SRSF3: variants seen among roughly 807,000 people sequenced by gnomAD.
The protein encoded by SRSF3 is serine and arginine rich splicing factor 3.
For missense variants in SRSF3, 58 were observed against 217.1 expected, an observed-to-expected ratio of 0.27 and a Z score of 4.61; for synonymous variants, 87 against 73.6, an observed-to-expected ratio of 1.18 and a Z score of -0.93.
intron 4 of SRSF3, 85 bp downstream of exon 4, chr6:36,601,275 G>T: frequency 7.2e-7 from 1 of 1,397,350 alleles, no homozygotes; most frequent in South Asian, 1.2e-5. Context: ...CTTAGTTAAT[G>T]GGAATAAACC....
chr6:36,596,663 A>C, intron 1 of SRSF3, 98 bp from the exon 2 acceptor site: 1 of 1,114,946 alleles, frequency 9.0e-7, no homozygotes, highest in Non-Finnish European at 1.3e-6. Flanking sequence ...TGCTACCTTA[A>C]ACTCTCTTGT....
At chr6:36,597,165 T>G (rs1280180062) in intron 2 of SRSF3, 197 bp downstream of exon 2, 27 of 587,964 alleles carry the variant, frequency 4.6e-5, no homozygotes, top group Non-Finnish European at 7.3e-5. Context: ...AGTGCAGTGG[T>G]ACAGTCTCCC....
In SRSF3 at chr6:36,602,299, A is replaced by G. The variant is rs565490231; in HGVS notation, c.*310A>G. ...TAAACCTCTAAACCTGCCCAGCGGA[A>G]GTGTGTTTTTTTTTAAATTTAAATA... On this transcript the variant is annotated 3_prime_UTR_variant, in exon 6 of 6. Coordinates refer to ENST00000373715, the MANE Select transcript of SRSF3 (RefSeq NM_003017.5). 2.1e-4 allele frequency: 75 copies of G among 350,186 alleles called. No homozygotes were observed. Among genetic ancestry groups the G allele is most frequent in the African/African-American group, 1.4e-3 (66 of 47,708 alleles). The allele number at this position is 350,186 out of a possible 1,614,324, so 21.7% of individuals were successfully genotyped here.
chr6:36,596,669 C>A (rs567937819), intron 1 of SRSF3, 92 bp from the exon 2 acceptor site: 1 of 1,173,054 alleles, frequency 8.5e-7, no homozygotes, highest in South Asian at 1.3e-5. Flanking sequence ...CTTAAACTCT[C>A]TTGTCCTCTC....
At chr6:36,598,361 A>G (rs1033877440) in intron 2 of SRSF3, 1 of 152,264 alleles carries the variant, frequency 6.6e-6, no homozygotes, top group African/African-American at 2.4e-5. Context: ...ATTAATTGAA[A>G]TTTTAATTTG....
In SRSF3 at chr6:36,603,293, G is replaced by A. The variant is rs535197664; in HGVS notation, c.*1304G>A. On this transcript the variant is annotated 3_prime_UTR_variant, in exon 6 of 6. Transcript: ENST00000373715. ...TGGGAATTCTAAGCTGATCCATCATGATGTAAAAGTTCACAATATGGTTCA... is the reference window on the plus strand; with the variant it reads ...TGGGAATTCTAAGCTGATCCATCATAATGTAAAAGTTCACAATATGGTTCA... 4 of 225,088 alleles carry A rather than the reference G, an allele frequency of 1.8e-5. No individual in the cohort carries two copies. The South Asian group carries it at 7.4e-4, about 41-fold the overall frequency. 13.9% of individuals were successfully genotyped at this position (225,088 alleles called of 1,614,324 possible).
chr6:36,598,901 A>G lies in SRSF3; in HGVS notation c.259A>G (p.Ser87Gly). Residue 87 changes from serine to glycine, a missense_variant, in exon 3 of 6, where the codon AGT becomes GGT. Ser to Gly is a moderately conservative substitution (Grantham distance 56). Coordinates refer to ENST00000373715, the MANE Select transcript of SRSF3 (RefSeq NM_003017.5). Reference sequence around the variant, plus strand: ...GGAACTGTCGAATGGTGAAAAAAGAAGTAGAAATCGTGGCCCACCTCCCTC... The same window carrying G: ...GGAACTGTCGAATGGTGAAAAAAGAGGTAGAAATCGTGGCCCACCTCCCTC... The part of the protein sequence containing the change: ...RVELSNGEKR[S>G]RNRGPPPSWG... 3 of 1,614,038 alleles carry G rather than the reference A, an allele frequency of 1.9e-6. No individual in the cohort carries two copies. The highest frequency in any genetic ancestry group is 2.5e-6 in the Non-Finnish European group (3 of 1,179,990).
At position 36,603,437 on chromosome 6, in the gene SRSF3, G is replaced by A. The variant is rs1778752838; in HGVS notation, c.*1448G>A. Reference sequence around the variant, plus strand: ...TTAAATCATAATGCAACAGTCTTGTGGCTTAGTTTCCTTAAATATGCTCTT... The same window carrying A: ...TTAAATCATAATGCAACAGTCTTGTAGCTTAGTTTCCTTAAATATGCTCTT... On this transcript the variant is annotated 3_prime_UTR_variant, in exon 6 of 6. Coordinates refer to ENST00000373715, the MANE Select transcript of SRSF3 (RefSeq NM_003017.5). 1 of 223,814 alleles carries A rather than the reference G, an allele frequency of 4.5e-6. No homozygotes were observed. The highest frequency in any genetic ancestry group is 5.7e-5 in the Admixed American group (1 of 17,442). The allele number at this position is 223,814 out of a possible 1,614,324, so 13.9% of individuals were successfully genotyped here. A position where few individuals can be genotyped will look rare whatever the true frequency, so the allele number is the denominator to read the frequency against.
intron 1 of SRSF3, among the ~76,000 whole-genome samples, chr6:36,596,307 C>T (rs1042335010): frequency 2.0e-5 from 3 of 151,972 alleles, no homozygotes; most frequent in African/African-American, 7.3e-5. Context: ...TACTTTGAAT[C>T]GCTTGCCTGG....
rs1343579204 is a variant in SRSF3 at position 36,598,987 on chromosome 6, C to T, written c.341+4C>T. ...GGAGTCCTCCACCTCGTCGCAGGTA[C>T]TTGAGAGAAAGCTTGTTAAGAGGTA... On this transcript the variant is annotated splice_donor_region_variant and intron_variant, in intron 3 of 5. Coordinates refer to ENST00000373715, the MANE Select transcript of SRSF3 (RefSeq NM_003017.5). 1.9e-6 allele frequency: 3 copies of T among 1,613,866 alleles called. No homozygotes were observed. The highest frequency in any genetic ancestry group is 1.7e-6 in the Non-Finnish European group (2 of 1,179,920).
rs1313421067 is a variant in SRSF3, at chr6:36,604,538, GT to G, written c.*2553del. ...TTAAGCAGAAAGTAGGGAAGTTGTA[GT>G]TTTACCAAGCACAGGTACCCTGTGT... On this transcript the variant is annotated 3_prime_UTR_variant, in exon 6 of 6. Coordinates refer to ENST00000373715, the MANE Select transcript of SRSF3 (RefSeq NM_003017.5). The G allele has an allele frequency of 1.1e-5, 2 of 176,700 alleles. No homozygotes were observed. Among genetic ancestry groups the G allele is most frequent in the Admixed American group, 6.3e-5 (1 of 15,784 alleles). The allele number at this position is 176,700 out of a possible 1,614,324, so 10.9% of individuals were successfully genotyped here.
intron 1 of SRSF3, among the ~76,000 whole-genome samples, chr6:36,595,559 G>A (rs1362282761): frequency 6.6e-6 from 1 of 152,092 alleles, no homozygotes; most frequent in African/African-American, 2.4e-5. Flanking sequence ...TCTGAACTTA[G>A]CTATTTTAGA....
chr6:36,605,073 G>A lies in SRSF3; in HGVS notation c.*3084G>A, dbSNP rs573029556. ...AGTACATTTTTCTCTAAATAATCCAGTAGTGTTGAATTTGATTTTATGTCC... is the reference window on the plus strand; with the variant it reads ...AGTACATTTTTCTCTAAATAATCCAATAGTGTTGAATTTGATTTTATGTCC... On this transcript the variant is annotated 3_prime_UTR_variant, in exon 6 of 6. Transcript: ENST00000373715. 1 of 152,324 alleles carries A rather than the reference G, an allele frequency of 6.6e-6. No individual in the cohort carries two copies. The highest frequency in any genetic ancestry group is 6.5e-5 in the Admixed American group (1 of 15,298). 9.4% of individuals were successfully genotyped at this position (152,324 alleles called of 1,614,324 possible). A position where few individuals can be genotyped will look rare whatever the true frequency, so the allele number is the denominator to read the frequency against.
chr6:36,599,203 G>A (rs1453124037), intron 3 of SRSF3, among the ~76,000 whole-genome samples: 1 of 152,078 alleles, frequency 6.6e-6, no homozygotes, highest in African/African-American at 2.4e-5. Flanking sequence ...TTCTATCTTG[G>A]ATCTGTCTTC....
At chr6:36,601,607 A>G in intron 4 of SRSF3, 101 bp from the exon 5 acceptor site, 1 of 1,173,866 alleles carries the variant, frequency 8.5e-7, no homozygotes, top group East Asian at 2.4e-5. Flanking sequence ...GCCTCCCAAA[A>G]TATTGGAATT....
chr6:36,601,015 T>TTTC (rs1778706517), intron 3 of SRSF3, 137 bp from the exon 4 acceptor site: 2 of 316,020 alleles, frequency 6.3e-6, no homozygotes, highest in African/African-American at 2.4e-5. Context: ...TTTTTTTTTT[T>TTTC]TTTTTTTTTT....
intron 1 of SRSF3, chr6:36,594,806 T>A (rs1778597365): frequency 6.6e-6 from 1 of 151,990 alleles, no homozygotes; most frequent in Admixed American, 6.6e-5. Context: ...GGCCCCTCAT[T>A]TAATTGGGAA....
chr6:36,596,388 T>C (rs1484130060), intron 1 of SRSF3, among the ~76,000 whole-genome samples: 2 of 152,162 alleles, frequency 1.3e-5, no homozygotes, highest in Non-Finnish European at 2.9e-5. Context: ...CAGAATTCTC[T>C]TCTGTTTTTC....
At chr6:36,596,462 G>C (rs1257060478) in intron 1 of SRSF3, among the ~76,000 whole-genome samples, 2 of 151,336 alleles carry the variant, frequency 1.3e-5, no homozygotes, top group East Asian at 3.9e-4. Flanking sequence ...TCACGGCCCA[G>C]ATGGTGGTAA....
Sources: allele counts gnomAD v4.1 joint callset (sites outside exome capture counted in the v4.1 genomes callset), GRCh38; gene constraint gnomAD v4.1.1; transcripts MANE v1.5; gene names NCBI Gene and HGNC (gene_info 2026-07-23, HGNC 2026-07-21).